The following CHMP3 variants were observed in gnomAD, a reference collection of about 807,000 sequenced individuals.
The protein encoded by CHMP3 is 25.1 protein.
A neutral mutation model predicts 27.4 loss-of-function variants in CHMP3; 8 were observed. That is an observed-to-expected ratio of 0.29 (90% CI 0.17 to 0.53). The LOEUF (loss-of-function observed/expected upper bound fraction) is 0.53, where lower values mean the gene tolerates loss of function less well. CHMP3 is among the 20% of genes least tolerant of loss of function. The pLI, the probability that CHMP3 is intolerant of heterozygous loss-of-function variation, is 0.96. For missense variants in CHMP3, 208 were observed against 271.5 expected, an observed-to-expected ratio of 0.77 and a Z score of 1.64; for synonymous variants, 86 against 85.5, an observed-to-expected ratio of 1.01 and a Z score of -0.03.
chr2:86,547,266 C>T (rs1328765794), intron 1 of CHMP3, among the ~76,000 whole-genome samples: 2 of 152,136 alleles, frequency 1.3e-5, no homozygotes, highest in Non-Finnish European at 2.9e-5. Flanking sequence ...AATTTGATTG[C>T]ACGGAATACA....
intron 2 of CHMP3, among the ~76,000 whole-genome samples, chr2:86,533,546 C>T (rs1397827486): frequency 6.6e-6 from 1 of 152,066 alleles, no homozygotes; most frequent in African/African-American, 2.4e-5. Flanking sequence ...TCCCGTCACC[C>T]AGGCTGGAGT....
intron 1 of CHMP3, among the ~76,000 whole-genome samples, chr2:86,550,049 C>T (rs1290326963): frequency 6.6e-6 from 1 of 152,188 alleles, no homozygotes; most frequent in African/African-American, 2.4e-5. Context: ...GAGGTTGCAG[C>T]GAGCTGAGAT....
intron 4 of CHMP3, 145 bp downstream of exon 4, chr2:86,510,213 C>T (rs1675044997): frequency 7.7e-7 from 1 of 1,302,518 alleles, no homozygotes; most frequent in Admixed American, 2.7e-5. Flanking sequence ...TGGTTTCAAT[C>T]AATGTTAACA....
chr2:86,517,939 T>C (rs1233700928), intron 3 of CHMP3, among the ~76,000 whole-genome samples: 1 of 152,082 alleles, frequency 6.6e-6, no homozygotes, highest in East Asian at 1.9e-4. Flanking sequence ...GAGGATCACC[T>C]AAGCCACGGA....
intron 3 of CHMP3, among the ~76,000 whole-genome samples, chr2:86,521,857 T>C (rs373798341): frequency 1.1e-4 from 16 of 152,348 alleles, no homozygotes; most frequent in South Asian, 6.2e-4. Flanking sequence ...GGGTTGCTTC[T>C]ACCTTTTGGC....
chr2:86,521,117 G>T (rs919718994), intron 3 of CHMP3, among the ~76,000 whole-genome samples: 1 of 151,954 alleles, frequency 6.6e-6, no homozygotes, highest in East Asian at 1.9e-4. Context: ...ACCCCTGTCC[G>T]CAAAACATTG....
At chr2:86,506,289 C>T in intron 5 of CHMP3, among the ~76,000 whole-genome samples, 1 of 152,080 alleles carries the variant, frequency 6.6e-6, no homozygotes, top group East Asian at 1.9e-4. Flanking sequence ...TCTTCCTTTC[C>T]CCAACAACTT....
At chr2:86,528,135 A>G (rs907299641) in intron 3 of CHMP3, among the ~76,000 whole-genome samples, 16 of 152,182 alleles carry the variant, frequency 1.1e-4, no homozygotes, top group African/African-American at 3.4e-4. Context: ...TTAAAACCAC[A>G]TTCGAATGTT....
At chr2:86,519,142 G>A (rs370629595) in intron 3 of CHMP3, among the ~76,000 whole-genome samples, 4 of 152,122 alleles carry the variant, frequency 2.6e-5, no homozygotes, top group African/African-American at 9.7e-5. Context: ...GGGAGGCCCA[G>A]GCAGGTGGAT....
At chr2:86,560,255 C>A (rs1436575355) in intron 1 of CHMP3, among the ~76,000 whole-genome samples, 5 of 151,272 alleles carry the variant, frequency 3.3e-5, no homozygotes, top group African/African-American at 1.2e-4. Context: ...GAGCGAGACT[C>A]CATCTCAAAA....
Position 86,530,366 on chromosome 2 carries a change from T to C in CHMP3, c.107-969A>G, listed in dbSNP as rs572113326. Reference sequence around the variant, plus strand: ...GTAACTCCCCATTTCTCCTTTCCCCTAACTCCTGGCATCCACCATTCTGTT... The same window carrying C: ...GTAACTCCCCATTTCTCCTTTCCCCCAACTCCTGGCATCCACCATTCTGTT... On this transcript the variant is annotated intron_variant, in intron 2 of 5. Coordinates refer to ENST00000263856, the MANE Select transcript of CHMP3 (RefSeq NM_016079.4). Among the ~76,000 whole-genome samples, 11 of 152,292 alleles carry C rather than the reference T, an allele frequency of 7.2e-5. No individual in the cohort carries two copies. The East Asian group carries it at 2.1e-3, about 29-fold the overall frequency.
At position 86,503,597 on chromosome 2, in the gene CHMP3, A is replaced by G. The variant is rs1674780856; in HGVS notation, c.*2207T>C. 6.6e-6 allele frequency: 1 copy of G among 152,240 alleles called. No homozygotes were observed. The highest frequency in any genetic ancestry group is 2.4e-5 in the African/African-American group (1 of 41,462). 9.4% of individuals were successfully genotyped at this position (152,240 alleles called of 1,614,324 possible). On this transcript the variant is annotated 3_prime_UTR_variant, in exon 6 of 6. Transcript: ENST00000263856. ...AATGGATAAACTATTCATCTAGACA[A>G]TGGAGTATTATTCAGTGCTAAAAAT...
intron 1 of CHMP3, among the ~76,000 whole-genome samples, chr2:86,558,559 T>C (rs531310173): frequency 1.3e-5 from 2 of 152,312 alleles, no homozygotes; most frequent in East Asian, 3.9e-4. Flanking sequence ...TAATGTATCT[T>C]ACTTGCCCGA....
intron 3 of CHMP3, among the ~76,000 whole-genome samples, chr2:86,523,680 C>T (rs187749664): frequency 6.6e-6 from 1 of 152,234 alleles, no homozygotes; most frequent in African/African-American, 2.4e-5. Context: ...TCCTCCCTTC[C>T]ACTCTCTCCT....
rs1413637207 is a variant in CHMP3, at chr2:86,503,539, C to G, written c.*2265G>C. ...ACAGCTTTATTCATAATTGCCAAAACTTGGAAACCACCAAGAAGTCTTTCA... is the reference window on the plus strand; with the variant it reads ...ACAGCTTTATTCATAATTGCCAAAAGTTGGAAACCACCAAGAAGTCTTTCA... On this transcript the variant is annotated 3_prime_UTR_variant, in exon 6 of 6. Transcript: ENST00000263856. 4 of 152,076 alleles carry G rather than the reference C, an allele frequency of 2.6e-5. No homozygotes were observed. Among genetic ancestry groups the G allele is most frequent in the Non-Finnish European group, 2.9e-5 (2 of 68,018 alleles). The allele number at this position is 152,076 out of a possible 1,614,324, so 9.4% of individuals were successfully genotyped here. A position where few individuals can be genotyped will look rare whatever the true frequency, so the allele number is the denominator to read the frequency against.
chr2:86,563,431 C>A lies in CHMP3; in HGVS notation c.-83G>T. On this transcript the variant is annotated 5_prime_UTR_variant, in exon 1 of 6. Transcript: ENST00000263856. Reference sequence around the variant, plus strand: ...CACGGGCAGCCGCCTGGGCGGGGCCCGCGGAAAAGGAGGTAGTCCCAACCC... The same window carrying A: ...CACGGGCAGCCGCCTGGGCGGGGCCAGCGGAAAAGGAGGTAGTCCCAACCC... 1 of 1,558,586 alleles carries A rather than the reference C, an allele frequency of 6.4e-7. No homozygotes were observed. The highest frequency in any genetic ancestry group is 8.8e-7 in the Non-Finnish European group (1 of 1,135,142).
chr2:86,534,749 T>C (rs1358966062), intron 2 of CHMP3, among the ~76,000 whole-genome samples: 1 of 152,202 alleles, frequency 6.6e-6, no homozygotes, highest in Non-Finnish European at 1.5e-5. Context: ...TTAAAATCTA[T>C]TTTATCTGAT....
chr2:86,535,561 T>G (rs1253218558), intron 2 of CHMP3, among the ~76,000 whole-genome samples: 2 of 152,160 alleles, frequency 1.3e-5, no homozygotes, highest in Non-Finnish European at 2.9e-5. Context: ...TAGAGTGCAG[T>G]GGCATCATGA....
In CHMP3 at chr2:86,533,593, T is replaced by C. The variant is rs555690659; in HGVS notation, c.107-4196A>G. 1.3e-5 allele frequency among the ~76,000 whole-genome samples: 2 copies of C among 152,074 alleles called. 1 individual carries two copies. Among genetic ancestry groups the C allele is most frequent in the African/African-American group, 4.8e-5 (2 of 41,406 alleles). The stretch of plus-strand genomic sequence containing the variant: ...CACCATCACAACTCACTGTAACTTC[T>C]GCCTCTGGGTTCAAGCAATCTTCCC... On this transcript the variant is annotated intron_variant, in intron 2 of 5. Transcript: ENST00000263856.
Sources: allele counts gnomAD v4.1 joint callset (sites outside exome capture counted in the v4.1 genomes callset), GRCh38; gene constraint gnomAD v4.1.1; transcripts MANE v1.5; gene names NCBI Gene and HGNC (gene_info 2026-07-23, HGNC 2026-07-21).